The following PTPRD variants were observed in gnomAD, a reference collection of about 807,000 sequenced individuals.
The protein encoded by PTPRD is protein tyrosine phosphatase receptor type D, also known as receptor-type tyrosine-protein phosphatase delta.
A neutral mutation model predicts 214.5 loss-of-function variants in PTPRD; 34 were observed. That is an observed-to-expected ratio of 0.16 (90% CI 0.12 to 0.21). The LOEUF is 0.21. Among genes scored for constraint, PTPRD ranks in the 10% least tolerant of loss-of-function variants. PTPRD has a pLI of 1.00. For missense variants in PTPRD, 2,545 were observed against 2,398.7 expected, an observed-to-expected ratio of 1.06 and a Z score of -1.27; for synonymous variants, 1,128 against 845.7, an observed-to-expected ratio of 1.33 and a Z score of -5.79.
At chr9:8,672,999 T>C (rs952246874) in intron 12 of PTPRD, among the ~76,000 whole-genome samples, 5 of 152,120 alleles carry the variant, frequency 3.3e-5, no homozygotes, top group Admixed American at 1.3e-4. Context: ...CTCCTATCCA[T>C]TTCCTATATT....
chr9:9,995,922 T>A (rs2096106028), intron 4 of PTPRD, among the ~76,000 whole-genome samples: 1 of 152,180 alleles, frequency 6.6e-6, no homozygotes, highest in African/African-American at 2.4e-5. Context: ...AGCTCACTAC[T>A]TCCCCTTCCC....
intron 2 of PTPRD, among the ~76,000 whole-genome samples, chr9:10,376,603 T>C (rs956737226): frequency 3.3e-5 from 5 of 151,784 alleles, no homozygotes; most frequent in African/African-American, 7.3e-5. Context: ...CCCTATCTCA[T>C]AGACAGGGTA....
chr9:9,839,492 C>G (rs532883137), intron 5 of PTPRD, among the ~76,000 whole-genome samples: 21 of 152,146 alleles, frequency 1.4e-4, no homozygotes, highest in African/African-American at 4.8e-5. Flanking sequence ...ATCCAACTTA[C>G]AAGGGACATG....
intron 9 of PTPRD, among the ~76,000 whole-genome samples, chr9:9,235,314 C>T (rs1293491734): frequency 6.6e-6 from 1 of 152,108 alleles, no homozygotes; most frequent in Non-Finnish European, 1.5e-5. Flanking sequence ...AACTACGATT[C>T]AAGATGAGAT....
intron 3 of PTPRD, among the ~76,000 whole-genome samples, chr9:10,156,792 A>C (rs1370962998): frequency 6.6e-6 from 1 of 152,128 alleles, no homozygotes; most frequent in Non-Finnish European, 1.5e-5. Context: ...GTTTTTAAGA[A>C]CTTGCTTTAT....
chr9:9,872,963 C>A (rs1474511869), intron 5 of PTPRD, among the ~76,000 whole-genome samples: 1 of 152,016 alleles, frequency 6.6e-6, no homozygotes, highest in African/African-American at 2.4e-5. Flanking sequence ...AATAACTCAA[C>A]AATCAATGTC....
intron 36 of PTPRD, among the ~76,000 whole-genome samples, chr9:8,402,741 A>G (rs2092564166): frequency 6.6e-6 from 1 of 152,134 alleles, no homozygotes; most frequent in Non-Finnish European, 1.5e-5. Flanking sequence ...ATAGAGATAA[A>G]TGTAAGGTAA....
At chr9:10,332,143 T>G (rs1031619676) in intron 3 of PTPRD, among the ~76,000 whole-genome samples, 1 of 151,896 alleles carries the variant, frequency 6.6e-6, no homozygotes, top group African/African-American at 2.4e-5. Context: ...TGTTGCTTCT[T>G]TTCCCTTGAA....
intron 14 of PTPRD, among the ~76,000 whole-genome samples, chr9:8,625,766 G>A (rs1010642669): frequency 1.7e-4 from 26 of 151,350 alleles, no homozygotes; most frequent in Admixed American, 2.0e-4. Flanking sequence ...AAAAAGAAAG[G>A]CATGGAAAGT....
intron 8 of PTPRD, among the ~76,000 whole-genome samples, chr9:9,517,912 T>A (rs1281919265): frequency 6.6e-6 from 1 of 152,116 alleles, no homozygotes; most frequent in Non-Finnish European, 1.5e-5. Context: ...ATTGTAATAA[T>A]CTTAACCTGT....
intron 7 of PTPRD, among the ~76,000 whole-genome samples, chr9:9,616,314 T>C (rs983642897): frequency 2.6e-5 from 4 of 152,210 alleles, no homozygotes; most frequent in Admixed American, 2.0e-4. Flanking sequence ...ATGCCCTGTG[T>C]TTTTATTTGC....
intron 20 of PTPRD, among the ~76,000 whole-genome samples, chr9:8,521,048 T>C (rs190709399): frequency 1.3e-3 from 191 of 152,296 alleles, no homozygotes; most frequent in Non-Finnish European, 1.9e-3. Flanking sequence ...GACTGTCTTT[T>C]AATATTCTGA....
chr9:8,759,184 CCTTA>C (rs2094237212), intron 11 of PTPRD, among the ~76,000 whole-genome samples: 1 of 152,060 alleles, frequency 6.6e-6, no homozygotes, highest in South Asian at 2.1e-4. Context: ...ACACGTACCA[CCTTA>C]CTTTTTTATT....
At chr9:8,375,160 T>TA (rs1383033531) in intron 39 of PTPRD, among the ~76,000 whole-genome samples, 1 of 151,954 alleles carries the variant, frequency 6.6e-6, no homozygotes, top group Non-Finnish European at 1.5e-5. Flanking sequence ...TAGTAATAAA[T>TA]AGACTCTGAC....
In PTPRD at chr9:9,284,994, T is replaced by C. The variant is rs1948909081; in HGVS notation, c.-202-101631A>G. Among the ~76,000 whole-genome samples, 3 of 151,762 alleles carry C rather than the reference T, an allele frequency of 2.0e-5. No individual in the cohort carries two copies. The South Asian group carries it at 6.2e-4, about 31-fold the overall frequency. On this transcript the variant is annotated intron_variant, in intron 9 of 45. Coordinates refer to ENST00000381196, the MANE Select transcript of PTPRD (RefSeq NM_002839.4). Reference sequence around the variant, plus strand: ...ATAGAACAATATCTACCAAATATGATTGCTATTATCCTTGGGGAGATGACA... The same window carrying C: ...ATAGAACAATATCTACCAAATATGACTGCTATTATCCTTGGGGAGATGACA...
intron 5 of PTPRD, among the ~76,000 whole-genome samples, chr9:9,935,977 A>G (rs2089205702): frequency 6.6e-6 from 1 of 151,338 alleles, no homozygotes; most frequent in Admixed American, 6.6e-5. Flanking sequence ...AGCAATGGGG[A>G]AAGGATTCCC....
chr9:9,493,780 T>A (rs1291464029), intron 8 of PTPRD, among the ~76,000 whole-genome samples: 1 of 93,538 alleles, frequency 1.1e-5, no homozygotes, highest in Non-Finnish European at 1.9e-5. Context: ...AGAGCAAGAC[T>A]CCGTCTCAAA....
intron 5 of PTPRD, among the ~76,000 whole-genome samples, chr9:9,871,809 T>C (rs943159605): frequency 6.6e-6 from 1 of 152,134 alleles, no homozygotes; most frequent in African/African-American, 2.4e-5. Context: ...GGCCCTAAGA[T>C]TATCTTCTGG....
intron 3 of PTPRD, among the ~76,000 whole-genome samples, chr9:10,036,626 C>T (rs947461710): frequency 2.0e-5 from 3 of 151,868 alleles, no homozygotes; most frequent in Non-Finnish European, 2.9e-5. Flanking sequence ...GGTTCTGTCA[C>T]CAGGCTGGAG....
Sources: gnomAD v4.1 joint callset for allele counts (sites outside exome capture counted in the v4.1 genomes callset) on GRCh38, gnomAD v4.1.1 for gene constraint, MANE v1.5 for transcripts, NCBI Gene and HGNC (gene_info 2026-07-23, HGNC 2026-07-21) for gene names.